NUP62CL: variants seen among roughly 807,000 people sequenced by gnomAD.
NUP62CL encodes nucleoporin 62 C-terminal like, also known as nucleoporin-62 C-terminal-like protein.
NUP62CL carries 13 observed loss-of-function variants against 15.3 expected under a neutral mutation model. The observed-to-expected ratio is 0.85, with a 90% CI of 0.55 to 1.35. NUP62CL has a LOEUF of 1.35. Among genes scored for constraint, NUP62CL ranks in the 40% most tolerant of loss-of-function variants. NUP62CL has a pLI of 0.00. For missense variants in NUP62CL, 123 were observed against 130.6 expected (o/e 0.94, Z 0.28); for synonymous variants, 54 against 49.2 (o/e 1.10, Z -0.41).
intron 2 of NUP62CL, among the ~76,000 whole-genome samples, chrX:107,182,388 C>T (rs952169230): frequency 1.8e-5 from 2 of 112,167 alleles, no homozygotes; most frequent in African/African-American, 6.5e-5. Flanking sequence ...CTGAGAACTA[C>T]TGAACTAGAA....
At chrX:107,125,096 A>G (rs1925357087) in intron 8 of NUP62CL, among the ~76,000 whole-genome samples, 1 of 111,851 alleles carries the variant, frequency 8.9e-6, no homozygotes, top group Non-Finnish European at 1.9e-5. Flanking sequence ...CACACTTGAG[A>G]CAAGACCACC....
intron 4 of NUP62CL, among the ~76,000 whole-genome samples, chrX:107,162,514 G>A (rs1926412993): frequency 9.0e-6 from 1 of 111,474 alleles, no homozygotes; most frequent in Non-Finnish European, 1.9e-5. Flanking sequence ...TTAAAAGGGA[G>A]TATCAGTTTA....
At chrX:107,180,360 C>T (rs1221249439) in intron 2 of NUP62CL, among the ~76,000 whole-genome samples, 1 of 111,955 alleles carries the variant, frequency 8.9e-6, no homozygotes, top group Non-Finnish European at 1.9e-5. Context: ...CATTGCATCA[C>T]TGTTTGTATT....
chrX:107,154,124 T>G lies in NUP62CL; in HGVS notation c.317A>C (p.Asp106Ala). ...CTCACCATTCTCAATCAATGTATGGTCCCAAGCATTGACCTGAGTGGCCTG... is the reference window on the plus strand; with the variant it reads ...CTCACCATTCTCAATCAATGTATGGGCCCAAGCATTGACCTGAGTGGCCTG... ...LLQATQVNAW[D>A]HTLIENGEMI... is the part of the protein sequence containing the mutation. The change falls in exon 5 of 9, where the codon GAC becomes GCC. Residue 106 changes from aspartate (D) to alanine (A), a missense_variant. Coordinates refer to ENST00000372466, the MANE Select transcript of NUP62CL (RefSeq NM_017681.3). 1 of 1,205,870 alleles carries G rather than the reference T, an allele frequency of 8.3e-7. No homozygotes were observed. The highest frequency in any genetic ancestry group is 1.8e-5 in the South Asian group (1 of 55,924).
intron 1 of NUP62CL, among the ~76,000 whole-genome samples, chrX:107,204,752 AAATAAAT>A (rs780814892): frequency 2.5e-3 from 212 of 84,601 alleles, no homozygotes; most frequent in Non-Finnish European, 3.2e-3. Flanking sequence ...TAAATTATTT[AAATAAAT>A]TTTAAATAAA....
At chrX:107,134,957 C>T (rs982103568) in intron 8 of NUP62CL, among the ~76,000 whole-genome samples, 2 of 111,841 alleles carry the variant, frequency 1.8e-5, no homozygotes, top group Non-Finnish European at 3.8e-5. Flanking sequence ...CTCACCGCAA[C>T]CTCTGCCTCC....
chrX:107,171,242 C>T (rs1448459983), intron 3 of NUP62CL, among the ~76,000 whole-genome samples: 1 of 111,707 alleles, frequency 9.0e-6, no homozygotes. Context: ...TAAGTAAATA[C>T]ACTTGAAGAG....
chrX:107,185,694 T>C (rs1252397689), intron 2 of NUP62CL, among the ~76,000 whole-genome samples: 1 of 111,600 alleles, frequency 9.0e-6, no homozygotes, highest in East Asian at 2.8e-4. Flanking sequence ...ATGAAAACCA[T>C]AATTTAAAAA....
chrX:107,178,122 T>TA (rs999055450), intron 2 of NUP62CL, among the ~76,000 whole-genome samples: 20 of 111,793 alleles, frequency 1.8e-4, no homozygotes, highest in African/African-American at 6.2e-4. Flanking sequence ...ATTCCATTTA[T>TA]AAAAAATATA....
chrX:107,155,825 G>A (rs1471725104), intron 4 of NUP62CL, among the ~76,000 whole-genome samples: 5 of 112,753 alleles, frequency 4.4e-5, no homozygotes, highest in African/African-American at 1.6e-4. Context: ...CCCAGCGTGA[G>A]CGACACAGAA....
intron 4 of NUP62CL, among the ~76,000 whole-genome samples, chrX:107,165,310 A>G (rs886899322): frequency 9.1e-6 from 1 of 109,628 alleles, no homozygotes; most frequent in Non-Finnish European, 1.9e-5. Context: ...GTCTCAAAAA[A>G]AAAAATAATA....
chrX:107,124,870 A>G (rs1011460355), intron 8 of NUP62CL, among the ~76,000 whole-genome samples: 3 of 111,588 alleles, frequency 2.7e-5, no homozygotes, highest in Non-Finnish European at 5.7e-5. Context: ...TAAGCATGAT[A>G]CTCTGAGTTT....
At chrX:107,204,915 AAATT>A (rs1355364219) in intron 1 of NUP62CL, among the ~76,000 whole-genome samples, 1 of 95,435 alleles carries the variant, frequency 1.0e-5, no homozygotes, top group Non-Finnish European at 2.1e-5. Flanking sequence ...AATTTTAAAT[AAATT>A]ATTTATTTAA....
At chrX:107,193,347 A>G (rs969273656) in intron 1 of NUP62CL, among the ~76,000 whole-genome samples, 2 of 112,206 alleles carry the variant, frequency 1.8e-5, no homozygotes, top group Admixed American at 1.9e-4. Flanking sequence ...CTTGAATGAG[A>G]TATGTGCCTT....
intron 4 of NUP62CL, among the ~76,000 whole-genome samples, chrX:107,155,614 C>A (rs1163440944): frequency 9.0e-6 from 1 of 111,697 alleles, no homozygotes; most frequent in Non-Finnish European, 1.9e-5. Context: ...GGGTAAGGTC[C>A]AGTGGGAAGC....
Position 107,132,152 on chromosome X carries a change from C to G in NUP62CL, c.*43-7820G>C. 5 of 1,164,696 alleles carry G rather than the reference C, an allele frequency of 4.3e-6. No homozygotes were observed. The South Asian group carries it at 8.9e-5, about 21-fold the overall frequency. On this transcript the variant is annotated intron_variant, in intron 8 of 8. Transcript: ENST00000372466. ...GAAAAGATTCAAATGAACGAGAGTT[C>G]AAACCTGAGTTGTGAACAGGAGAAA...
At chrX:107,198,917 G>T (rs1461898703) in intron 1 of NUP62CL, among the ~76,000 whole-genome samples, 3 of 112,107 alleles carry the variant, frequency 2.7e-5, no homozygotes, top group Admixed American at 1.9e-4. Flanking sequence ...AACATAAACT[G>T]GATTTCAAAC....
chrX:107,165,136 A>T (rs1342710137), intron 4 of NUP62CL, among the ~76,000 whole-genome samples: 2 of 110,087 alleles, frequency 1.8e-5, no homozygotes, highest in Non-Finnish European at 3.8e-5. Context: ...AAACAAAAAA[A>T]CAAAAAACAA....
intron 7 of NUP62CL, among the ~76,000 whole-genome samples, chrX:107,149,500 G>A (rs1925960437): frequency 9.2e-6 from 1 of 109,253 alleles, no homozygotes; most frequent in South Asian, 3.9e-4. Context: ...TTTATAGCGG[G>A]AAGGGACCTA....
Sources: gnomAD v4.1 joint callset for allele counts (sites outside exome capture counted in the v4.1 genomes callset) on GRCh38, gnomAD v4.1.1 for gene constraint, MANE v1.5 for transcripts, NCBI Gene and HGNC (gene_info 2026-07-23, HGNC 2026-07-21) for gene names.